The following RIMS1 variants were observed in gnomAD, a reference collection of about 807,000 sequenced individuals.
RIMS1 encodes the protein regulating synaptic membrane exocytosis protein 1.
Under a neutral mutation model 214.1 loss-of-function variants are expected in RIMS1, and 83 were observed. The observed-to-expected ratio is 0.39, with a 90% CI of 0.32 to 0.47. The LOEUF (loss-of-function observed/expected upper bound fraction) is 0.47. Among genes scored for constraint, RIMS1 ranks in the 20% least tolerant of loss-of-function variants. The pLI, the probability that RIMS1 is intolerant of heterozygous loss-of-function variation, is 0.99. For missense variants in RIMS1, 2,050 were observed against 2,161.8 expected, an observed-to-expected ratio of 0.95 and a Z score of 1.03; for synonymous variants, 793 against 786.8, an observed-to-expected ratio of 1.01 and a Z score of -0.13.
At chr6:72,111,109 T>C (rs1268854984) in intron 4 of RIMS1, among the ~76,000 whole-genome samples, 3 of 152,164 alleles carry the variant, frequency 2.0e-5, no homozygotes, top group Non-Finnish European at 2.9e-5. Context: ...AAAGAAAAAA[T>C]TGTATAAAGA....
At chr6:72,300,408 C>T (rs2094497004) in intron 26 of RIMS1, among the ~76,000 whole-genome samples, 1 of 151,724 alleles carries the variant, frequency 6.6e-6, no homozygotes, top group Admixed American at 6.6e-5. Flanking sequence ...AAAAGACTTT[C>T]AAAAATCAAA....
chr6:72,284,259 A>C, intron 24 of RIMS1, 141 bp downstream of exon 24: 1 of 595,502 alleles, frequency 1.7e-6, no homozygotes, highest in South Asian at 2.5e-5. Flanking sequence ...CCTACCCCTA[A>C]ATGGAAATGA....
At chr6:72,219,272 A>G (rs1729283281) in intron 6 of RIMS1, among the ~76,000 whole-genome samples, 1 of 152,188 alleles carries the variant, frequency 6.6e-6, no homozygotes. Context: ...GATAATTGTC[A>G]AGAAAACTTT....
At chr6:72,194,367 T>G (rs2050537294) in intron 6 of RIMS1, among the ~76,000 whole-genome samples, 1 of 152,134 alleles carries the variant, frequency 6.6e-6, no homozygotes. Flanking sequence ...TGGCATATGG[T>G]AACTACTTAA....
rs1320200948 is a variant in RIMS1 at position 71,952,401 on chromosome 6, T to TA, written c.165-16581dup. Reference sequence around the variant, plus strand: ...GACAATTTTCTAGGAACTAGAGATATAGTAATGAATAAAACAAAGTCCTGT... The same window carrying TA: ...GACAATTTTCTAGGAACTAGAGATATAAGTAATGAATAAAACAAAGTCCTGT... On this transcript the variant is annotated intron_variant, in intron 1 of 33. Transcript: ENST00000521978. 2.0e-5 allele frequency among the ~76,000 whole-genome samples: 3 copies of TA among 152,336 alleles called. No individual in the cohort carries two copies. The East Asian group carries it at 5.8e-4, about 29-fold the overall frequency.
chr6:72,250,803 G>C (rs1159832220), intron 13 of RIMS1, 118 bp from the exon 14 acceptor site: 1 of 607,278 alleles, frequency 1.6e-6, no homozygotes, highest in Non-Finnish European at 2.8e-6. Flanking sequence ...TCTTTTTATA[G>C]ACTTTCCATG....
intron 24 of RIMS1, among the ~76,000 whole-genome samples, chr6:72,284,652 G>A (rs1429342272): frequency 2.0e-5 from 3 of 149,890 alleles, no homozygotes; most frequent in African/African-American, 7.4e-5. Flanking sequence ...ATTCCACAAA[G>A]GTTTTAAGTA....
In RIMS1 at chr6:72,126,128, A is replaced by T. The variant is rs972745135; in HGVS notation, c.471+26142A>T. Among the ~76,000 whole-genome samples, 7 of 151,550 alleles carry T rather than the reference A, an allele frequency of 4.6e-5. No individual in the cohort carries two copies. The South Asian group carries it at 1.0e-3, about 23-fold the overall frequency. Reference sequence around the variant, plus strand: ...CTATTCGGCCATCTTGGAACTCCTCAGCCAACTGATCTTTAATAAAGCATA... The same window carrying T: ...CTATTCGGCCATCTTGGAACTCCTCTGCCAACTGATCTTTAATAAAGCATA... On this transcript the variant is annotated intron_variant, in intron 4 of 33. Coordinates refer to ENST00000521978, the MANE Select transcript of RIMS1 (RefSeq NM_014989.7).
chr6:72,367,332 A>G (rs2098069357), intron 29 of RIMS1, among the ~76,000 whole-genome samples: 2 of 152,168 alleles, frequency 1.3e-5, no homozygotes, highest in Admixed American at 1.3e-4. Context: ...TTCAGTGCAA[A>G]TATATGAGCA....
At chr6:72,326,598 A>G (rs1351156658) in intron 28 of RIMS1, among the ~76,000 whole-genome samples, 4 of 151,806 alleles carry the variant, frequency 2.6e-5, no homozygotes, top group Non-Finnish European at 5.9e-5. Context: ...CAATCAGTAC[A>G]TATTCTACAA....
rs867169496 is a variant in RIMS1, at chr6:72,279,257, T to C, written c.3483-4790T>C. 5.9e-5 allele frequency among the ~76,000 whole-genome samples: 9 copies of C among 152,114 alleles called. 1 individual carries two copies. In the Middle Eastern group the frequency reaches 0.01, roughly 176 times the overall value. On this transcript the variant is annotated intron_variant, in intron 23 of 33. Coordinates refer to ENST00000521978, the MANE Select transcript of RIMS1 (RefSeq NM_014989.7). ...TTTTCATCAGTTCATTTTATAAATC[T>C]TCACACTAAATTAATAGAAAGGAAA...
intron 2 of RIMS1, among the ~76,000 whole-genome samples, chr6:72,090,211 T>C (rs904795574): frequency 2.2e-4 from 33 of 152,160 alleles, no homozygotes; most frequent in African/African-American, 7.7e-4. Context: ...CTAGCTTTGT[T>C]GCCCAGGCAT....
intron 29 of RIMS1, among the ~76,000 whole-genome samples, chr6:72,345,981 G>T (rs1159465197): frequency 6.6e-6 from 1 of 151,712 alleles, no homozygotes; most frequent in East Asian, 1.9e-4. Flanking sequence ...TGAAATCAAT[G>T]AAGTTACTTA....
At chr6:72,333,171 G>A (rs561404544) in intron 28 of RIMS1, among the ~76,000 whole-genome samples, 2 of 151,978 alleles carry the variant, frequency 1.3e-5, no homozygotes, top group African/African-American at 4.8e-5. Context: ...CTTAAGCCTT[G>A]TTATGTGGCA....
At chr6:72,292,605 A>G (rs1592249399) in intron 26 of RIMS1, among the ~76,000 whole-genome samples, 1 of 147,136 alleles carries the variant, frequency 6.8e-6, no homozygotes, top group East Asian at 1.9e-4. Context: ...AAGAAAGAGA[A>G]AGAGAGAGAG....
chr6:71,916,242 G>A (rs1276840450), intron 1 of RIMS1, among the ~76,000 whole-genome samples: 1 of 152,098 alleles, frequency 6.6e-6, no homozygotes, highest in African/African-American at 2.4e-5. Context: ...GCTTGAAAAA[G>A]CTGGAATGAG....
intron 4 of RIMS1, among the ~76,000 whole-genome samples, chr6:72,164,943 A>G (rs950515497): frequency 6.6e-6 from 1 of 152,194 alleles, no homozygotes; most frequent in Non-Finnish European, 1.5e-5. Context: ...CCCAACTCCA[A>G]ATATATTTCA....
chr6:72,083,513 G>A (rs1179285438), intron 2 of RIMS1, among the ~76,000 whole-genome samples: 4 of 152,010 alleles, frequency 2.6e-5, no homozygotes, highest in Admixed American at 6.6e-5. Context: ...CCCCTCGCTA[G>A]TGGTCTATTG....
intron 1 of RIMS1, among the ~76,000 whole-genome samples, chr6:71,946,258 T>C (rs981945486): frequency 2.0e-5 from 3 of 152,202 alleles, no homozygotes; most frequent in Non-Finnish European, 4.4e-5. Context: ...AATGACATTT[T>C]TTAAGTAAAC....
Sources: allele counts gnomAD v4.1 joint callset (sites outside exome capture counted in the v4.1 genomes callset), GRCh38; gene constraint gnomAD v4.1.1; transcripts MANE v1.5; gene names NCBI Gene and HGNC (gene_info 2026-07-23, HGNC 2026-07-21).